CTCF: variants seen among roughly 807,000 people sequenced by gnomAD.
The protein encoded by CTCF is transcriptional repressor CTCF.
Under a neutral mutation model 72.3 loss-of-function variants are expected in CTCF, and 7 were observed. The observed-to-expected ratio is 0.10, with a 90% CI of 0.06 to 0.18. The LOEUF is 0.18. CTCF is among the 10% of genes least tolerant of loss of function. The pLI is 1.00. For missense variants in CTCF, 516 were observed against 949.1 expected, an observed-to-expected ratio of 0.54 and a Z score of 6.00; for synonymous variants, 374 against 315.8, an observed-to-expected ratio of 1.18 and a Z score of -1.95.
chr16:67,616,589 A>C, intron 4 of CTCF, 156 bp from the exon 5 acceptor site: 2 of 748,252 alleles, frequency 2.7e-6, no homozygotes, highest in Non-Finnish European at 4.5e-6. Flanking sequence ...GCCCTCCCAT[A>C]GTTTTCGGAG....
chr16:67,606,647 G>A (rs1350575387), intron 2 of CTCF, among the ~76,000 whole-genome samples: 1 of 152,190 alleles, frequency 6.6e-6, no homozygotes, highest in East Asian at 1.9e-4. Flanking sequence ...CAATGTTAAG[G>A]TGCCTAGACA....
In CTCF at chr16:67,636,864, TC is replaced by T; in HGVS notation, c.1999+14del. On this transcript the variant is annotated intron_variant, in intron 11 of 11. Coordinates refer to ENST00000264010, the MANE Select transcript of CTCF (RefSeq NM_006565.4). ...AAACAGAACCAGCGTAAGTTGTTCA[TC>T]TCTGCTCTGGAGGCTGGCGTCTTCT... 6.6e-7 allele frequency: 1 copy of T among 1,518,490 alleles called. No individual in the cohort carries two copies. 94.1% of individuals were successfully genotyped at this position (1,518,490 alleles called of 1,614,324 possible). A position where few individuals can be genotyped will look rare whatever the true frequency, so the allele number is the denominator to read the frequency against.
At chr16:67,567,890 C>CT (rs55719441) in intron 1 of CTCF, 2,570 of 55,424 alleles carry the variant, frequency 0.046, 356 homozygotes, top group African/African-American at 0.11. Flanking sequence ...CCATACTCGG[C>CT]TTTTTTTTTT....
At chr16:67,592,130 G>T (rs996703830) in intron 2 of CTCF, among the ~76,000 whole-genome samples, 2 of 151,990 alleles carry the variant, frequency 1.3e-5, no homozygotes, top group Non-Finnish European at 2.9e-5. Flanking sequence ...AAGATCTATC[G>T]ACTGGACGCA....
At chr16:67,584,695 A>G (rs2051645055) in intron 2 of CTCF, among the ~76,000 whole-genome samples, 1 of 152,058 alleles carries the variant, frequency 6.6e-6, no homozygotes, top group Non-Finnish European at 1.5e-5. Flanking sequence ...GTATTACTCA[A>G]ATTGATAACC....
intron 2 of CTCF, among the ~76,000 whole-genome samples, chr16:67,588,892 T>C (rs1052723456): frequency 1.3e-5 from 2 of 152,106 alleles, no homozygotes; most frequent in Non-Finnish European, 2.9e-5. Context: ...GGTTTCGCTA[T>C]GTTGGCCAGG....
chr16:67,594,176 C>T (rs1406531289), intron 2 of CTCF, among the ~76,000 whole-genome samples: 1 of 151,884 alleles, frequency 6.6e-6, no homozygotes, highest in African/African-American at 2.4e-5. Context: ...TGGGAGGCCA[C>T]TTGAGCTTAG....
intron 9 of CTCF, 128 bp from the exon 10 acceptor site, chr16:67,629,270 G>A (rs561143592): frequency 4.7e-5 from 38 of 803,866 alleles, no homozygotes; most frequent in Admixed American, 8.8e-5. Context: ...CAGAGACAGC[G>A]TGTTCAGGAC....
chr16:67,564,620 A>G (rs779504799), intron 1 of CTCF, among the ~76,000 whole-genome samples: 1 of 152,212 alleles, frequency 6.6e-6, no homozygotes, highest in Non-Finnish European at 1.5e-5. Flanking sequence ...TGTGTAATTT[A>G]TTGCATTCTT....
At chr16:67,599,988 G>C (rs1048120065) in intron 2 of CTCF, among the ~76,000 whole-genome samples, 6 of 152,164 alleles carry the variant, frequency 3.9e-5, no homozygotes, top group African/African-American at 1.2e-4. Context: ...GTGTGCTCAG[G>C]GGGGCTGGTG....
chr16:67,564,198 C>A (rs1032988637), intron 1 of CTCF, among the ~76,000 whole-genome samples: 2 of 152,232 alleles, frequency 1.3e-5, no homozygotes, highest in African/African-American at 4.8e-5. Context: ...TCTTTCTTCA[C>A]TAAAAAGCAT....
intron 4 of CTCF, among the ~76,000 whole-genome samples, chr16:67,612,862 T>C (rs184156966): frequency 1.3e-5 from 2 of 151,812 alleles, no homozygotes; most frequent in African/African-American, 4.8e-5. Context: ...GCTTGAAACC[T>C]GGGAGGCAGA....
Position 67,626,536 on chromosome 16 carries a change from C to T in CTCF, c.1358-19C>T. On this transcript the variant is annotated intron_variant, in intron 7 of 11. Transcript: ENST00000264010. ...GTTTGTGTTTTCACATTACCCTGGG[C>T]TTTTTACTGTGCTTTCAGGTGTCCA... 1 of 1,406,964 alleles carries T rather than the reference C, an allele frequency of 7.1e-7. No homozygotes were observed. Among genetic ancestry groups the T allele is most frequent in the Non-Finnish European group, 9.4e-7 (1 of 1,068,710 alleles). The allele number at this position is 1,406,964 out of a possible 1,614,324, so 87.2% of individuals were successfully genotyped here.
chr16:67,583,065 A>G (rs1597688404), intron 2 of CTCF, among the ~76,000 whole-genome samples: 1 of 149,610 alleles, frequency 6.7e-6, no homozygotes, highest in East Asian at 2.0e-4. Flanking sequence ...GCTCACTGCA[A>G]CCTCCGCCTC....
intron 9 of CTCF, among the ~76,000 whole-genome samples, 153 bp downstream of exon 9, chr16:67,628,705 A>G (rs768156316): frequency 1.3e-5 from 2 of 152,164 alleles, no homozygotes; most frequent in Non-Finnish European, 2.9e-5. Context: ...TGATGTTTCT[A>G]TCCATGTGTG....
intron 4 of CTCF, among the ~76,000 whole-genome samples, chr16:67,613,099 T>G (rs2052082707): frequency 1.3e-5 from 2 of 152,258 alleles, no homozygotes; most frequent in Admixed American, 1.3e-4. Context: ...TAGCTTCATG[T>G]TGGCTGTGGC....
At chr16:67,575,298 G>T (rs1006631113) in intron 2 of CTCF, among the ~76,000 whole-genome samples, 2 of 152,104 alleles carry the variant, frequency 1.3e-5, no homozygotes, top group Admixed American at 1.3e-4. Context: ...GAGGCTGGGC[G>T]TGGTGGCTCA....
intron 7 of CTCF, among the ~76,000 whole-genome samples, chr16:67,623,612 G>A (rs540355915): frequency 3.4e-4 from 51 of 151,638 alleles, no homozygotes; most frequent in South Asian, 2.3e-3. Flanking sequence ...TCCAGCTTGG[G>A]TGACAGAGAG....
rs1309887875 is a variant in CTCF at position 67,636,883 on chromosome 16, CG to C, written c.1999+33del. ...TGTTCATCTCTGCTCTGGAGGCTGGCGTCTTCTCCGAGCATGTGGGGGAGCC... is the reference window on the plus strand; with the variant it reads ...TGTTCATCTCTGCTCTGGAGGCTGGCTCTTCTCCGAGCATGTGGGGGAGCC... On this transcript the variant is annotated intron_variant, in intron 11 of 11. Coordinates refer to ENST00000264010, the MANE Select transcript of CTCF (RefSeq NM_006565.4). The C allele has an allele frequency of 2.8e-6, 4 of 1,449,484 alleles. No individual in the cohort carries two copies. In the African/African-American group the frequency reaches 5.8e-5, roughly 21 times the overall value. 89.8% of individuals were successfully genotyped at this position (1,449,484 alleles called of 1,614,324 possible).
Sources: allele counts gnomAD v4.1 joint callset (sites outside exome capture counted in the v4.1 genomes callset), GRCh38; gene constraint gnomAD v4.1.1; transcripts MANE v1.5; gene names NCBI Gene and HGNC (gene_info 2026-07-23, HGNC 2026-07-21).